The following MAP4K4 variants were observed in gnomAD, a reference collection of about 807,000 sequenced individuals.
The protein encoded by MAP4K4 is mitogen-activated protein kinase kinase kinase kinase 4.
MAP4K4 carries 38 observed loss-of-function variants against 189.6 expected under a neutral mutation model. The ratio of observed to expected loss-of-function variants is 0.20; its 90% CI spans 0.15 to 0.26. The LOEUF is 0.26. Among genes scored for constraint, MAP4K4 ranks in the 10% least tolerant of loss-of-function variants. The probability of loss-of-function intolerance (pLI) is 1.00; values close to 1 mark genes in which losing one functional copy is unlikely to be tolerated. For missense variants in MAP4K4, 1,054 were observed against 1,726.9 expected (o/e 0.61, Z 6.91); for synonymous variants, 610 against 624.3 (o/e 0.98, Z 0.34).
At chr2:101,757,127 G>A (rs1381531194) in intron 2 of MAP4K4, among the ~76,000 whole-genome samples, 2 of 152,134 alleles carry the variant, frequency 1.3e-5, no homozygotes, top group Non-Finnish European at 2.9e-5. Flanking sequence ...GGAGGGGGAT[G>A]TCTTTCATGT....
At chr2:101,844,380 C>T (rs1343976377) in intron 12 of MAP4K4, 69 bp downstream of exon 12, 1 of 1,292,400 alleles carries the variant, frequency 7.7e-7, no homozygotes, top group Non-Finnish European at 1.1e-6. Flanking sequence ...TAGTTAGCCA[C>T]TCAGAGGAAT....
chr2:101,707,902 G>A (rs1391102369), intron 2 of MAP4K4, among the ~76,000 whole-genome samples: 2 of 148,328 alleles, frequency 1.3e-5, no homozygotes, highest in East Asian at 2.0e-4. Flanking sequence ...GGGTTTCACC[G>A]TGTTAGCCAG....
intron 2 of MAP4K4, among the ~76,000 whole-genome samples, chr2:101,790,384 G>T (rs1242886268): frequency 6.6e-6 from 1 of 151,630 alleles, no homozygotes. Flanking sequence ...GGAAAGAAGT[G>T]TAAAATATAG....
At chr2:101,797,888 A>ATTTTTTTTTTTTTTTTTTTTTTTTTTTT (rs1558971586) in intron 3 of MAP4K4, among the ~76,000 whole-genome samples, 2 of 7,624 alleles carry the variant, frequency 2.6e-4, no homozygotes, top group South Asian at 6.5e-3. Flanking sequence ...ACATTCTTTT[A>ATTTTTTTTTTTTTTTTTTTTTTTTTTTT]GTTTTTTTTT....
chr2:101,738,721 T>C (rs551279232), intron 2 of MAP4K4, among the ~76,000 whole-genome samples: 1 of 152,126 alleles, frequency 6.6e-6, no homozygotes, highest in South Asian at 2.1e-4. Flanking sequence ...CACTCTTTTC[T>C]TTTCTTGCCC....
intron 28 of MAP4K4, 125 bp from the exon 29 acceptor site, chr2:101,885,062 T>A: frequency 2.1e-6 from 1 of 470,352 alleles, no homozygotes; most frequent in South Asian, 4.2e-5. Context: ...ATTTTTCCCC[T>A]GCTTGTTTGG....
chr2:101,889,024 A>G, intron 32 of MAP4K4, 89 bp downstream of exon 32: 1 of 1,186,866 alleles, frequency 8.4e-7, no homozygotes, highest in Non-Finnish European at 1.1e-6. Context: ...ATTTCCTTGG[A>G]GTTTTGATAA....
chr2:101,755,307 C>G (rs966725250), intron 2 of MAP4K4, among the ~76,000 whole-genome samples: 1 of 151,688 alleles, frequency 6.6e-6, no homozygotes, highest in Non-Finnish European at 1.5e-5. Flanking sequence ...TATGCAGAGT[C>G]CGAATTCACA....
At chr2:101,725,387 C>CAAAAAAAAAAAAA (rs547130880) in intron 2 of MAP4K4, among the ~76,000 whole-genome samples, 1 of 110,956 alleles carries the variant, frequency 9.0e-6, no homozygotes, top group Non-Finnish European at 1.9e-5. Flanking sequence ...AAAAGATAAG[C>CAAAAAAAAAAAAA]AAAAAAAAAA....
intron 14 of MAP4K4, 94 bp downstream of exon 14, chr2:101,859,176 G>T: frequency 4.3e-6 from 5 of 1,151,952 alleles, no homozygotes; most frequent in Non-Finnish European, 6.3e-6. Context: ...GACCATTTTG[G>T]TTTTGCTGTG....
chr2:101,769,451 G>A (rs948520840), intron 2 of MAP4K4, among the ~76,000 whole-genome samples: 2 of 152,194 alleles, frequency 1.3e-5, no homozygotes, highest in African/African-American at 4.8e-5. Context: ...ACGGGAGTGG[G>A]GGAGAATGGG....
intron 13 of MAP4K4, among the ~76,000 whole-genome samples, chr2:101,857,571 G>A (rs548520686): frequency 3.3e-5 from 5 of 152,284 alleles, no homozygotes; most frequent in African/African-American, 1.2e-4. Flanking sequence ...CGTCACAGTT[G>A]GGTTAAGGCC....
chr2:101,751,650 C>T (rs2069048350), intron 2 of MAP4K4, among the ~76,000 whole-genome samples: 1 of 152,166 alleles, frequency 6.6e-6, no homozygotes, highest in African/African-American at 2.4e-5. Context: ...ATTAAGCAGA[C>T]AACTCCTAAA....
intron 2 of MAP4K4, among the ~76,000 whole-genome samples, chr2:101,769,709 G>A (rs1460147985): frequency 6.6e-6 from 1 of 151,844 alleles, no homozygotes; most frequent in Non-Finnish European, 1.5e-5. Flanking sequence ...TCAGCCTCCT[G>A]AGTAGCTGGG....
chr2:101,834,487 A>G (rs2096685592), intron 8 of MAP4K4, 24 bp downstream of exon 8: 1 of 1,588,436 alleles, frequency 6.3e-7, no homozygotes, highest in East Asian at 2.2e-5. Flanking sequence ...TTTTCTTTTT[A>G]GCTCACTTGT....
intron 2 of MAP4K4, among the ~76,000 whole-genome samples, chr2:101,741,708 T>G (rs992921052): frequency 1.3e-5 from 2 of 152,248 alleles, no homozygotes; most frequent in Non-Finnish European, 2.9e-5. Flanking sequence ...CTAAAAACTT[T>G]GAGGACGACT....
intron 2 of MAP4K4, among the ~76,000 whole-genome samples, chr2:101,785,695 T>TTTTC (rs1558913593): frequency 2.3e-4 from 1 of 4,440 alleles, no homozygotes; most frequent in African/African-American, 2.7e-3. Context: ...TCTCTCTCTC[T>TTTTC]CTCTCTCTCT....
intron 2 of MAP4K4, among the ~76,000 whole-genome samples, chr2:101,720,064 A>C (rs2050845021): frequency 6.6e-6 from 1 of 152,060 alleles, no homozygotes; most frequent in South Asian, 2.1e-4. Flanking sequence ...AAAGAGTTTG[A>C]AGCTTTAAAA....
chr2:101,729,238 A>G (rs2057302753), intron 2 of MAP4K4, among the ~76,000 whole-genome samples: 1 of 98,290 alleles, frequency 1.0e-5, no homozygotes, highest in African/African-American at 5.0e-5. Flanking sequence ...TTTTTATTTA[A>G]TATTATGCTT....
Sources: gnomAD v4.1 joint callset for allele counts (sites outside exome capture counted in the v4.1 genomes callset) on GRCh38, gnomAD v4.1.1 for gene constraint, MANE v1.5 for transcripts, NCBI Gene and HGNC (gene_info 2026-07-23, HGNC 2026-07-21) for gene names.